Variants in GSK3B observed in about 807,000 individuals in gnomAD.
GSK3B encodes the protein glycogen synthase kinase-3 beta.
A neutral mutation model predicts 56.4 loss-of-function variants in GSK3B; 15 were observed. The observed-to-expected ratio is 0.27, with a 90% CI of 0.18 to 0.41. The LOEUF (loss-of-function observed/expected upper bound fraction) is 0.41. Among genes scored for constraint, GSK3B ranks in the 10% least tolerant of loss-of-function variants. The pLI is 1.00. For missense variants in GSK3B, 300 were observed against 513.4 expected (o/e 0.58, Z 4.02); for synonymous variants, 181 against 188.9 (o/e 0.96, Z 0.34).
At chr3:120,077,658 G>T (rs780476481) in intron 1 of GSK3B, among the ~76,000 whole-genome samples, 15 of 151,584 alleles carry the variant, frequency 9.9e-5, no homozygotes, top group Non-Finnish European at 4.4e-5. Context: ...TAGGGGCGAG[G>T]GAGAGGGGGT....
In GSK3B at chr3:119,825,766, G is replaced by A. The variant is rs1317671379; in HGVS notation, c.*1022C>T. The stretch of plus-strand genomic sequence containing the variant: ...AAAAAATATGAAAAATAAACCAGTA[G>A]ATGACTGTTACAGTTCACATTATTT... On this transcript the variant is annotated 3_prime_UTR_variant, in exon 11 of 11. Coordinates refer to ENST00000264235, the MANE Select transcript of GSK3B (RefSeq NM_001146156.2). 4.4e-6 allele frequency: 1 copy of A among 224,904 alleles called. No individual in the cohort carries two copies. Among genetic ancestry groups the A allele is most frequent in the Non-Finnish European group, 8.8e-6 (1 of 113,048 alleles). The allele number at this position is 224,904 out of a possible 1,614,324, so 13.9% of individuals were successfully genotyped here. A position where few individuals can be genotyped will look rare whatever the true frequency, so the allele number is the denominator to read the frequency against.
At chr3:119,929,689 G>A (rs2056923917) in intron 3 of GSK3B, among the ~76,000 whole-genome samples, 1 of 151,860 alleles carries the variant, frequency 6.6e-6, no homozygotes, top group African/African-American at 2.4e-5. Flanking sequence ...GATCACCTGA[G>A]GTCTGGAGTT....
intron 3 of GSK3B, 43 bp from the exon 4 acceptor site, chr3:119,923,526 G>T: frequency 1.1e-6 from 1 of 893,384 alleles, no homozygotes; most frequent in Non-Finnish European, 1.7e-6. Context: ...AAACAGATTA[G>T]AAACTGGTCT....
At chr3:119,847,555 T>G (rs920029382) in intron 9 of GSK3B, among the ~76,000 whole-genome samples, 1 of 151,874 alleles carries the variant, frequency 6.6e-6, no homozygotes, top group African/African-American at 2.4e-5. Flanking sequence ...AACCTATATC[T>G]CAAACTAGCT....
At chr3:119,850,383 T>G (rs560902376) in intron 9 of GSK3B, among the ~76,000 whole-genome samples, 1 of 152,280 alleles carries the variant, frequency 6.6e-6, no homozygotes, top group East Asian at 1.9e-4. Flanking sequence ...TTACAGGCAA[T>G]CCTTAAAATC....
chr3:119,945,998 A>T (rs901434520), intron 3 of GSK3B, among the ~76,000 whole-genome samples: 4 of 152,114 alleles, frequency 2.6e-5, no homozygotes, highest in Admixed American at 1.3e-4. Context: ...GAATAAAGAT[A>T]ATAACAGGCC....
At chr3:120,065,468 G>A (rs970474530) in intron 1 of GSK3B, among the ~76,000 whole-genome samples, 2 of 152,048 alleles carry the variant, frequency 1.3e-5, no homozygotes, top group South Asian at 4.1e-4. Flanking sequence ...TAGAAATAAG[G>A]CTTGAAGAAG....
intron 2 of GSK3B, among the ~76,000 whole-genome samples, chr3:119,973,724 G>A (rs1193148169): frequency 1.3e-5 from 2 of 152,028 alleles, no homozygotes; most frequent in East Asian, 3.8e-4. Flanking sequence ...TTATTATTTT[G>A]TTTTAATCAC....
In GSK3B at chr3:120,094,319, G is replaced by C. The variant is rs951535860; in HGVS notation, c.-885C>G. 3.7e-6 allele frequency: 1 copy of C among 269,532 alleles called. No homozygotes were observed. Among genetic ancestry groups the C allele is most frequent in the African/African-American group, 2.2e-5 (1 of 44,906 alleles). The allele number at this position is 269,532 out of a possible 1,614,324, so 16.7% of individuals were successfully genotyped here. A position where few individuals can be genotyped will look rare whatever the true frequency, so the allele number is the denominator to read the frequency against. On this transcript the variant is annotated 5_prime_UTR_variant, in exon 1 of 11. Coordinates refer to ENST00000264235, the MANE Select transcript of GSK3B (RefSeq NM_001146156.2). ...AGTGTCCGCGCTTTGCCCCAGCCCA[G>C]AGCCCTGTCAGCGGCTGCGGGGCCG...
At position 120,035,563 on chromosome 3, in the gene GSK3B, C is replaced by T. The variant is rs1229945356; in HGVS notation, c.89-33324G>A. On this transcript the variant is annotated intron_variant, in intron 1 of 10. Coordinates refer to ENST00000264235, the MANE Select transcript of GSK3B (RefSeq NM_001146156.2). The stretch of plus-strand genomic sequence containing the variant: ...ATAAACCACTGGAACTGTAGATCAA[C>T]TAGGAGAGCACTATTATTTAAACAA... Among the ~76,000 whole-genome samples, 8 of 152,330 alleles carry T rather than the reference C, an allele frequency of 5.3e-5. No homozygotes were observed. The East Asian group carries it at 1.5e-3, about 29-fold the overall frequency.
intron 1 of GSK3B, among the ~76,000 whole-genome samples, chr3:120,040,231 C>T (rs934278028): frequency 1.3e-5 from 2 of 152,232 alleles, no homozygotes; most frequent in African/African-American, 4.8e-5. Context: ...GTGAATGGTA[C>T]TAAGCACTAC....
chr3:119,927,499 T>C (rs1040272771), intron 3 of GSK3B, among the ~76,000 whole-genome samples: 16 of 151,820 alleles, frequency 1.1e-4, no homozygotes, highest in East Asian at 1.9e-4. Context: ...AACAAAGAGA[T>C]TGGGATTAAT....
At chr3:120,073,854 T>TA (rs1279531590) in intron 1 of GSK3B, among the ~76,000 whole-genome samples, 2 of 152,088 alleles carry the variant, frequency 1.3e-5, no homozygotes, top group Non-Finnish European at 2.9e-5. Flanking sequence ...TTGCTTAAAA[T>TA]AGAGAATAGA....
chr3:119,883,089 T>A (rs1413083258), intron 7 of GSK3B, among the ~76,000 whole-genome samples: 1 of 152,204 alleles, frequency 6.6e-6, no homozygotes, highest in Non-Finnish European at 1.5e-5. Flanking sequence ...TCACGAAGGC[T>A]ATTACATGGG....
chr3:119,902,683 C>T (rs962699961), intron 7 of GSK3B, among the ~76,000 whole-genome samples: 5 of 150,466 alleles, frequency 3.3e-5, no homozygotes, highest in African/African-American at 1.2e-4. Context: ...AGGTGTTAGC[C>T]ACCACGCTTG....
At chr3:119,897,564 A>C (rs1414572331) in intron 7 of GSK3B, among the ~76,000 whole-genome samples, 1 of 152,006 alleles carries the variant, frequency 6.6e-6, no homozygotes, top group African/African-American at 2.4e-5. Context: ...GTTGCATACA[A>C]ACTGTTTGGT....
intron 1 of GSK3B, chr3:120,029,639 C>A: frequency 1.8e-6 from 1 of 549,250 alleles, no homozygotes; most frequent in South Asian, 1.6e-5. Flanking sequence ...TTCAGATGTT[C>A]ACATTCATAG....
At chr3:119,969,401 A>G (rs2057346192) in intron 2 of GSK3B, among the ~76,000 whole-genome samples, 1 of 152,230 alleles carries the variant, frequency 6.6e-6, no homozygotes, top group Admixed American at 6.5e-5. Context: ...AAGAACACTC[A>G]ATATTAAGAT....
At chr3:119,983,112 A>C (rs1367814776) in intron 2 of GSK3B, among the ~76,000 whole-genome samples, 1 of 152,212 alleles carries the variant, frequency 6.6e-6, no homozygotes, top group Non-Finnish European at 1.5e-5. Flanking sequence ...ACTAAGCTTC[A>C]TAAGTGAAGG....
Sources: gnomAD v4.1 joint callset for allele counts (sites outside exome capture counted in the v4.1 genomes callset) on GRCh38, gnomAD v4.1.1 for gene constraint, MANE v1.5 for transcripts, NCBI Gene and HGNC (gene_info 2026-07-23, HGNC 2026-07-21) for gene names.